The following SSH2 variants were observed in gnomAD, a reference collection of about 807,000 sequenced individuals.
SSH2 encodes the protein protein phosphatase Slingshot homolog 2.
Under a neutral mutation model 135.2 loss-of-function variants are expected in SSH2, and 37 were observed. That is an observed-to-expected ratio of 0.27 (90% CI 0.21 to 0.36). SSH2 has a LOEUF of 0.36. Ranked by LOEUF, SSH2 falls within the 10% of genes least tolerant of loss-of-function variation. The pLI is 1.00. For synonymous variants in SSH2, 628 were observed against 646.2 expected (o/e 0.97, Z 0.43); for missense variants, 1,408 against 1,765.3 (o/e 0.80, Z 3.63).
intron 11 of SSH2, among the ~76,000 whole-genome samples, chr17:29,656,990 C>A (rs182724885): frequency 4.6e-4 from 70 of 151,528 alleles, no homozygotes; most frequent in African/African-American, 1.6e-3. Flanking sequence ...ACTTTTTTTT[C>A]TTTTGAGACA....
At chr17:29,822,786 C>T (rs1017028805) in intron 2 of SSH2, among the ~76,000 whole-genome samples, 7 of 152,134 alleles carry the variant, frequency 4.6e-5, no homozygotes, top group East Asian at 3.8e-4. Flanking sequence ...GCAAATATCA[C>T]GATGGGAGCT....
chr17:29,743,565 A>G (rs945325846), intron 3 of SSH2, among the ~76,000 whole-genome samples: 7 of 152,254 alleles, frequency 4.6e-5, no homozygotes, highest in African/African-American at 1.7e-4. Context: ...GTAGACTACG[A>G]TAACTGGGAC....
chr17:29,656,184 CTT>C (rs1238026437), intron 11 of SSH2, among the ~76,000 whole-genome samples: 1 of 151,960 alleles, frequency 6.6e-6, no homozygotes, highest in African/African-American at 2.4e-5. Context: ...AGCTCACACT[CTT>C]TTTTTTCTGA....
chr17:29,758,522 C>A (rs1305578090), intron 3 of SSH2, among the ~76,000 whole-genome samples: 1 of 152,128 alleles, frequency 6.6e-6, no homozygotes, highest in African/African-American at 2.4e-5. Context: ...ACTTTTTGTG[C>A]AGAGATTTAC....
At chr17:29,684,499 A>G (rs1396395559) in intron 6 of SSH2, 64 bp downstream of exon 6, 6 of 1,483,702 alleles carry the variant, frequency 4.0e-6, no homozygotes, top group African/African-American at 1.4e-5. Context: ...AAAAAAAAAA[A>G]AAAAGCAACT....
chr17:29,689,358 T>C (rs1419071034), intron 5 of SSH2, among the ~76,000 whole-genome samples: 1 of 152,210 alleles, frequency 6.6e-6, no homozygotes, highest in Non-Finnish European at 1.5e-5. Context: ...ATTTTGTACA[T>C]AATATCCTAA....
At chr17:29,773,584 T>G (rs181870916) in intron 3 of SSH2, among the ~76,000 whole-genome samples, 5 of 152,252 alleles carry the variant, frequency 3.3e-5, no homozygotes, top group Non-Finnish European at 5.9e-5. Context: ...CTCCATCAGA[T>G]GGTTTACACA....
chr17:29,788,453 T>C (rs2042007304), intron 3 of SSH2, among the ~76,000 whole-genome samples: 1 of 152,152 alleles, frequency 6.6e-6, no homozygotes, highest in Admixed American at 6.5e-5. Flanking sequence ...TCTTTAAGCC[T>C]TTGGACTTGG....
intron 5 of SSH2, among the ~76,000 whole-genome samples, chr17:29,691,850 GACTTTCA>G (rs1360196364): frequency 6.6e-6 from 1 of 151,148 alleles, no homozygotes; most frequent in African/African-American, 2.4e-5. Context: ...ATGAAGTCAA[GACTTTCA>G]GCCGGGCGCG....
Position 29,738,992 on chromosome 17 carries a change from A to G in SSH2, c.189-35930T>C, listed in dbSNP as rs148552357. 3.1e-3 allele frequency among the ~76,000 whole-genome samples: 466 copies of G among 152,322 alleles called. 3 individuals carry two copies. The highest frequency in any genetic ancestry group is 1.8e-3 in the Non-Finnish European group (124 of 68,024). Reference sequence around the variant, plus strand: ...TAATGTGGTATACATATATTTAATTAAATAATCACTTTCCTAAAAACAAAA... The same window carrying G: ...TAATGTGGTATACATATATTTAATTGAATAATCACTTTCCTAAAAACAAAA... On this transcript the variant is annotated intron_variant, in intron 3 of 15. Coordinates refer to ENST00000540801, the MANE Select transcript of SSH2 (RefSeq NM_001282129.2).
At chr17:29,783,088 G>T (rs1027753219) in intron 3 of SSH2, among the ~76,000 whole-genome samples, 6 of 151,856 alleles carry the variant, frequency 4.0e-5, no homozygotes, top group Non-Finnish European at 4.4e-5. Context: ...AGTGCTGATT[G>T]GTTGGCTCAG....
At chr17:29,889,954 A>G (rs2066318229) in intron 1 of SSH2, among the ~76,000 whole-genome samples, 3 of 152,138 alleles carry the variant, frequency 2.0e-5, no homozygotes, top group Non-Finnish European at 2.9e-5. Flanking sequence ...GCAAGACCCC[A>G]GTCTCTAAAA....
intron 2 of SSH2, among the ~76,000 whole-genome samples, chr17:29,845,988 G>A (rs1221250245): frequency 2.0e-5 from 3 of 151,748 alleles, no homozygotes; most frequent in South Asian, 2.1e-4. Flanking sequence ...AAAATCAGTC[G>A]AAATAATATG....
intron 11 of SSH2, among the ~76,000 whole-genome samples, chr17:29,662,333 G>A (rs140065323): frequency 6.6e-6 from 1 of 152,306 alleles, no homozygotes; most frequent in African/African-American, 2.4e-5. Flanking sequence ...GGACTGTACT[G>A]TGGGAGTTCT....
At chr17:29,818,576 GC>G (rs561855732) in intron 2 of SSH2, among the ~76,000 whole-genome samples, 86 of 152,046 alleles carry the variant, frequency 5.7e-4, no homozygotes, top group African/African-American at 2.0e-3. Context: ...ATCTAGATCT[GC>G]CCCCTCCCCA....
chr17:29,635,138 G>T (rs2035846270), intron 15 of SSH2, among the ~76,000 whole-genome samples: 1 of 152,216 alleles, frequency 6.6e-6, no homozygotes, highest in Non-Finnish European at 1.5e-5. Context: ...TCCTGACCTT[G>T]TGATCCGCCC....
chr17:29,669,912 C>T (rs1211158063), intron 9 of SSH2, among the ~76,000 whole-genome samples: 1 of 146,072 alleles, frequency 6.8e-6, no homozygotes, highest in Non-Finnish European at 1.5e-5. Flanking sequence ...GACTGAGTCT[C>T]CCTCTGTCGC....
Position 29,628,713 on chromosome 17 carries a change from G to C in SSH2, c.*2128C>G, listed in dbSNP as rs1169002824. 1 of 152,214 alleles carries C rather than the reference G, an allele frequency of 6.6e-6. No homozygotes were observed. Among genetic ancestry groups the C allele is most frequent in the Non-Finnish European group, 1.5e-5 (1 of 68,040 alleles). 9.4% of individuals were successfully genotyped at this position (152,214 alleles called of 1,614,324 possible). ...ACAAATATCCAGGAATCACAAAACT[G>C]AGTGGATGAGATACTTGAACATTCA... On this transcript the variant is annotated 3_prime_UTR_variant, in exon 16 of 16. Transcript: ENST00000540801.
intron 1 of SSH2, 21 bp from the exon 2 acceptor site, chr17:29,848,950 T>C: frequency 6.6e-7 from 1 of 1,507,176 alleles, no homozygotes; most frequent in Non-Finnish European, 8.9e-7. Flanking sequence ...AACAAGATCA[T>C]TTCAGAGATC....
Sources: allele counts gnomAD v4.1 joint callset (sites outside exome capture counted in the v4.1 genomes callset), GRCh38; gene constraint gnomAD v4.1.1; transcripts MANE v1.5; gene names NCBI Gene and HGNC (gene_info 2026-07-23, HGNC 2026-07-21).